SMC2: variants seen among roughly 807,000 people sequenced by gnomAD.
SMC2 encodes structural maintenance of chromosomes protein 2.
Under a neutral mutation model 142.6 loss-of-function variants are expected in SMC2, and 41 were observed. The ratio of observed to expected loss-of-function variants is 0.29; its 90% CI spans 0.22 to 0.37. The LOEUF (loss-of-function observed/expected upper bound fraction) is 0.37, where lower values mean the gene tolerates loss of function less well. Ranked by LOEUF, SMC2 falls within the 10% of genes least tolerant of loss-of-function variation. The pLI, the probability that SMC2 is intolerant of heterozygous loss-of-function variation, is 1.00. For missense variants in SMC2, 1,265 were observed against 1,373.7 expected (o/e 0.92, Z 1.25); for synonymous variants, 463 against 457.5 (o/e 1.01, Z -0.15).
chr9:104,132,487 A>C (rs931079230), intron 22 of SMC2, among the ~76,000 whole-genome samples: 3 of 152,110 alleles, frequency 2.0e-5, no homozygotes, highest in Admixed American at 6.6e-5. Flanking sequence ...TCTGTCTCCT[A>C]TAGGATAATT....
At position 104,139,264 on chromosome 9, in the gene SMC2, G is replaced by A. The variant is rs144844202; in HGVS notation, c.3543G>A (p.Lys1181=). 6.2e-7 allele frequency: 1 copy of A among 1,600,744 alleles called. No individual in the cohort carries two copies. The highest frequency in any genetic ancestry group is 1.4e-5 in the African/African-American group (1 of 73,742). ...FTQCQNGKIS[K]EAKSKAKPPK... ...AATGTCAAAATGGAAAGATTTCAAA[G>A]GAAGCAAAATCCAAGGCAAAACCAC... Residue 1181 remains lysine (K), a synonymous_variant, in exon 25 of 25, where the codon AAG becomes AAA. Coordinates refer to ENST00000374793, the MANE Select transcript of SMC2 (RefSeq NM_006444.3).
intron 22 of SMC2, among the ~76,000 whole-genome samples, chr9:104,134,088 A>G (rs1452651978): frequency 1.3e-5 from 2 of 152,016 alleles, no homozygotes; most frequent in Admixed American, 6.6e-5. Context: ...TTTGGACTAG[A>G]GTTAGAGGTG....
chr9:104,125,102 A>T lies in SMC2; in HGVS notation c.2448A>T (p.Gln816His), dbSNP rs1290940811. ...DASSKKMKEK[Q>H]QEVEAITLEL... ...CTAGCAAGAAGATGAAAGAAAAACA[A>T]CAGGTAATAACTTCTTTTTGAAATT... The change falls in exon 18 of 25, where the codon CAA becomes CAT. Residue 816 changes from glutamine (Q) to histidine (H), a missense_variant. Physicochemically the swap from Gln to His is conservative, Grantham distance 24. Transcript: ENST00000374793. 6.4e-7 allele frequency: 1 copy of T among 1,568,194 alleles called. No individual in the cohort carries two copies. The highest frequency in any genetic ancestry group is 8.6e-7 in the Non-Finnish European group (1 of 1,165,976).
In SMC2 at chr9:104,095,329, G is replaced by C; in HGVS notation, c.-56G>C. ...GGTATTTCTGTTTCGTACAGAACTG[G>C]TTTGTGGCCTGTTTGATTCCTGTCA... On this transcript the variant is annotated 5_prime_UTR_variant, in exon 2 of 25. Coordinates refer to ENST00000374793, the MANE Select transcript of SMC2 (RefSeq NM_006444.3). The C allele has an allele frequency of 1.4e-6, 2 of 1,450,484 alleles. No individual in the cohort carries two copies. Among genetic ancestry groups the C allele is most frequent in the Non-Finnish European group, 1.9e-6 (2 of 1,042,454 alleles). The allele number at this position is 1,450,484 out of a possible 1,614,324, so 89.9% of individuals were successfully genotyped here. A position where few individuals can be genotyped will look rare whatever the true frequency, so the allele number is the denominator to read the frequency against.
At position 104,124,913 on chromosome 9, in the gene SMC2, G is replaced by A. The variant is rs959778162; in HGVS notation, c.2259G>A (p.Glu753=). ...ACATTTGCTTACTTTGTGATGCAGAGGAAAGTGAGGAGACTTTGAAAAACA... is the reference window on the plus strand; with the variant it reads ...ACATTTGCTTACTTTGTGATGCAGAAGAAAGTGAGGAGACTTTGAAAAACA... ...EELDALKKTI[E]ESEETLKNTK... The change falls in exon 18 of 25, where the codon GAG becomes GAA. Residue 753 remains glutamate (E), a splice_region_variant and synonymous_variant. Transcript: ENST00000374793. 1.8e-5 allele frequency: 28 copies of A among 1,581,854 alleles called. No homozygotes were observed. The highest frequency in any genetic ancestry group is 2.3e-5 in the Non-Finnish European group (27 of 1,171,828).
At chr9:104,131,967 G>A (rs755123846) in intron 21 of SMC2, 42 bp from the exon 22 acceptor site, 4 of 1,000,846 alleles carry the variant, frequency 4.0e-6, no homozygotes, top group Admixed American at 4.4e-5. Flanking sequence ...ATATAGAAGA[G>A]ATTTTATATT....
chr9:104,093,142 C>G (rs1351442481), upstream of SMC2: 1 of 152,102 alleles, frequency 6.6e-6, no homozygotes, highest in Non-Finnish European at 1.5e-5. Flanking sequence ...TATGGAAGCC[C>G]AAAAGGATCA....
chr9:104,089,288 G>A (rs1829959520), upstream of SMC2, among the ~76,000 whole-genome samples: 1 of 152,114 alleles, frequency 6.6e-6, no homozygotes, highest in Non-Finnish European at 1.5e-5. Context: ...GATGTTAACT[G>A]CAGAAGCAAA....
chr9:104,133,476 T>C (rs530049333), intron 22 of SMC2, among the ~76,000 whole-genome samples: 9 of 152,286 alleles, frequency 5.9e-5, no homozygotes, highest in African/African-American at 2.2e-4. Flanking sequence ...TTACTATAAG[T>C]ATTCATTAAA....
At chr9:104,112,932 A>G (rs1832652950) in intron 10 of SMC2, among the ~76,000 whole-genome samples, 1 of 152,108 alleles carries the variant, frequency 6.6e-6, no homozygotes, top group Non-Finnish European at 1.5e-5. Context: ...ACTCACAAAT[A>G]TATACACATA....
At chr9:104,137,997 T>A in intron 23 of SMC2, 21 bp from the exon 24 acceptor site, 1 of 1,522,248 alleles carries the variant, frequency 6.6e-7, no homozygotes. Flanking sequence ...TTTTATGGCT[T>A]TTCTTCTGAC....
Position 104,132,084 on chromosome 9 carries a change from G to T in SMC2, c.3067G>T (p.Asp1023Tyr). ...AATTCTTACAACTATAGAAGACCTT[G>T]ACCAGAAGAAAAACCAAGCCCTAAA... ...SKILTTIEDL[D>Y]QKKNQALNIA... The change falls in exon 22 of 25, where the codon GAC becomes TAC. Residue 1023 changes from aspartate to tyrosine, a missense_variant. Asp to Tyr is a radical substitution (Grantham distance 160). Coordinates refer to ENST00000374793, the MANE Select transcript of SMC2 (RefSeq NM_006444.3). 2 of 1,599,086 alleles carry T rather than the reference G, an allele frequency of 1.3e-6. No individual in the cohort carries two copies. The highest frequency in any genetic ancestry group is 2.3e-5 in the South Asian group (2 of 87,862).
upstream of SMC2, among the ~76,000 whole-genome samples, chr9:104,091,005 C>T (rs1250852557): frequency 6.6e-6 from 1 of 152,120 alleles, no homozygotes; most frequent in African/African-American, 2.4e-5. Context: ...TAACCAGTCC[C>T]ACTGGGTGAA....
rs1385676483 is a variant in SMC2 at position 104,116,232 on chromosome 9, A to G, written c.1704A>G (p.Glu568=). ...VTGKKLLERG[E]LKRRYTIIPL... is the part of the protein sequence containing the mutation. The stretch of plus-strand genomic sequence containing the variant: ...GTAAAAAGCTACTAGAAAGGGGGGA[A>G]CTGAAACGTCGATACACTATAATTC... The change falls in exon 14 of 25, where the codon GAA becomes GAG. Residue 568 remains glutamate (E), a synonymous_variant. Transcript: ENST00000374793. 1.9e-5 allele frequency: 30 copies of G among 1,605,720 alleles called. No homozygotes were observed. In the Admixed American group the frequency reaches 4.3e-4, roughly 23 times the overall value.
intron 24 of SMC2, 45 bp downstream of exon 24, chr9:104,138,210 A>G (rs1372644807): frequency 4.1e-6 from 6 of 1,467,066 alleles, no homozygotes; most frequent in Non-Finnish European, 5.5e-6. Context: ...TAATTAGACT[A>G]TTTTTCTAAA....
At chr9:104,126,999 TCCATC>T (rs754086515) in intron 19 of SMC2, among the ~76,000 whole-genome samples, 3 of 151,664 alleles carry the variant, frequency 2.0e-5, no homozygotes, top group Non-Finnish European at 4.4e-5. Flanking sequence ...CTTAGTTGAT[TCCATC>T]TACATTACAT....
Position 104,113,384 on chromosome 9 carries a change from T to C in SMC2, c.1323T>C (p.Asp441=). 6.2e-7 allele frequency: 1 copy of C among 1,612,006 alleles called. No individual in the cohort carries two copies. The highest frequency in any genetic ancestry group is 8.5e-7 in the Non-Finnish European group (1 of 1,178,774). Residue 441 remains aspartate (D), a synonymous_variant, in exon 11 of 25, where the codon GAT becomes GAC. Transcript: ENST00000374793. ...AACAAGCTGAAGTTAAGAAGATGGA[T>C]AGTGGCTACAGGAAGGATCAAGAAG... is the stretch of plus-strand genomic sequence containing the variant. The part of the protein sequence containing the change: ...KNKQAEVKKM[D]SGYRKDQEAL...
chr9:104,089,321 G>A (rs191960377), upstream of SMC2, among the ~76,000 whole-genome samples: 521 of 152,240 alleles, frequency 3.4e-3, 2 homozygotes, highest in African/African-American at 0.012. Context: ...AAAAATCTGA[G>A]AGTGAAGACT....
chr9:104,116,191 G>C lies in SMC2; in HGVS notation c.1672-9G>C. 2 of 1,581,192 alleles carry C rather than the reference G, an allele frequency of 1.3e-6. No homozygotes were observed. The highest frequency in any genetic ancestry group is 2.3e-5 in the East Asian group (1 of 43,606). On this transcript the variant is annotated splice_polypyrimidine_tract_variant and intron_variant, in intron 13 of 24. Coordinates refer to ENST00000374793, the MANE Select transcript of SMC2 (RefSeq NM_006444.3). The stretch of plus-strand genomic sequence containing the variant: ...ACATGCGTTTTTTAAATTCAAATGT[G>C]TGTTGTAGGTTACTGGTAAAAAGCT...
Sources: gnomAD v4.1 joint callset for allele counts (sites outside exome capture counted in the v4.1 genomes callset) on GRCh38, gnomAD v4.1.1 for gene constraint, MANE v1.5 for transcripts, NCBI Gene and HGNC (gene_info 2026-07-23, HGNC 2026-07-21) for gene names.